The following GABRG2 variants were observed in gnomAD, a reference collection of about 807,000 sequenced individuals.
GABRG2 encodes gamma-aminobutyric acid receptor subunit gamma-2.
In GABRG2, 16 loss-of-function variants were observed where a neutral mutation model predicts 56.4. That is an observed-to-expected ratio of 0.28 (90% CI 0.19 to 0.43). The LOEUF (loss-of-function observed/expected upper bound fraction) is 0.43, where lower values mean the gene tolerates loss of function less well. Among genes scored for constraint, GABRG2 ranks in the 20% least tolerant of loss-of-function variants. The pLI, the probability that GABRG2 is intolerant of heterozygous loss-of-function variation, is 1.00. For synonymous variants in GABRG2, 208 were observed against 205.5 expected, an observed-to-expected ratio of 1.01 and a Z score of -0.10; for missense variants, 327 against 582.7, an observed-to-expected ratio of 0.56 and a Z score of 4.52.
chr5:162,093,041 A>G (rs191171908), intron 1 of GABRG2, among the ~76,000 whole-genome samples: 63 of 152,254 alleles, frequency 4.1e-4, no homozygotes, highest in Admixed American at 3.5e-3. Context: ...TTCCAGCCCA[A>G]TTGCTGAAAG....
intron 6 of GABRG2, among the ~76,000 whole-genome samples, chr5:162,117,880 GATA>G (rs1374414302): frequency 1.3e-5 from 2 of 152,232 alleles, no homozygotes; most frequent in South Asian, 2.1e-4. Flanking sequence ...ATATGGTGAT[GATA>G]ATGATGATGA....
chr5:162,124,238 A>G (rs545365518), intron 6 of GABRG2, among the ~76,000 whole-genome samples: 15 of 152,062 alleles, frequency 9.9e-5, no homozygotes, highest in East Asian at 9.7e-4. Flanking sequence ...TAAGAGTCCA[A>G]TTGGCAACAC....
At chr5:162,080,793 C>T (rs956588668) in intron 1 of GABRG2, among the ~76,000 whole-genome samples, 1 of 152,000 alleles carries the variant, frequency 6.6e-6, no homozygotes, top group South Asian at 2.1e-4. Flanking sequence ...TGTTCTACAT[C>T]CTACTGCAAA....
chr5:162,086,586 C>A (rs574737413), intron 1 of GABRG2, among the ~76,000 whole-genome samples: 2 of 152,058 alleles, frequency 1.3e-5, no homozygotes, highest in South Asian at 4.2e-4. Context: ...CGTCTTCTTT[C>A]TTTCCTAGTT....
chr5:162,120,084 A>G (rs1762883393), intron 6 of GABRG2, among the ~76,000 whole-genome samples: 1 of 152,062 alleles, frequency 6.6e-6, no homozygotes, highest in African/African-American at 2.4e-5. Flanking sequence ...ACTGGGGTTT[A>G]CTTGAGCAGC....
At chr5:162,089,980 G>C (rs960238549) in intron 1 of GABRG2, among the ~76,000 whole-genome samples, 4 of 152,084 alleles carry the variant, frequency 2.6e-5, no homozygotes, top group African/African-American at 9.7e-5. Context: ...CTACAATCTT[G>C]TTAAAATTGT....
At chr5:162,072,109 C>A (rs940810138) in intron 1 of GABRG2, among the ~76,000 whole-genome samples, 1 of 151,896 alleles carries the variant, frequency 6.6e-6, no homozygotes, top group African/African-American at 2.4e-5. Flanking sequence ...GTAATTTCCT[C>A]AAAATAATTG....
At chr5:162,079,825 C>T (rs1759503942) in intron 1 of GABRG2, among the ~76,000 whole-genome samples, 2 of 151,914 alleles carry the variant, frequency 1.3e-5, no homozygotes, top group African/African-American at 4.8e-5. Context: ...CTCTGTCGCC[C>T]AGGCTGGAGT....
At chr5:162,101,182 CA>C in intron 4 of GABRG2, 52 bp from the exon 5 acceptor site, 1 of 1,224,794 alleles carries the variant, frequency 8.2e-7, no homozygotes. Context: ...TGCAAATTTA[CA>C]ATTTAAAATT....
At chr5:162,109,420 A>ATATATATATT (rs1424412323) in intron 6 of GABRG2, among the ~76,000 whole-genome samples, 220 of 116,052 alleles carry the variant, frequency 1.9e-3, no homozygotes, top group African/African-American at 5.3e-3. Context: ...ATATATATAT[A>ATATATATATT]TATTTATTTA....
At chr5:162,074,119 TA>T (rs1221854303) in intron 1 of GABRG2, among the ~76,000 whole-genome samples, 1 of 151,898 alleles carries the variant, frequency 6.6e-6, no homozygotes, top group Non-Finnish European at 1.5e-5. Flanking sequence ...AAATTTCCTT[TA>T]AAAAAGGAAA....
chr5:162,069,024 G>T (rs1276806344), intron 1 of GABRG2, among the ~76,000 whole-genome samples: 2 of 152,070 alleles, frequency 1.3e-5, no homozygotes, highest in Non-Finnish European at 2.9e-5. Flanking sequence ...AAACCTTGCT[G>T]CACTGAATAG....
intron 6 of GABRG2, among the ~76,000 whole-genome samples, chr5:162,120,659 A>G (rs1762922349): frequency 6.6e-6 from 1 of 152,126 alleles, no homozygotes; most frequent in South Asian, 2.1e-4. Flanking sequence ...AATCTACCTT[A>G]GCCACAGTTT....
At chr5:162,080,008 T>C (rs1002417476) in intron 1 of GABRG2, among the ~76,000 whole-genome samples, 3 of 152,160 alleles carry the variant, frequency 2.0e-5, no homozygotes, top group African/African-American at 7.2e-5. Context: ...TGAAATAAGC[T>C]AACATAAGAT....
rs182274192 is a variant in GABRG2 at position 162,115,733 on chromosome 5, T to A, written c.769+11707T>A. Among the ~76,000 whole-genome samples the A allele has an allele frequency of 3.3e-5, 5 of 152,208 alleles. No individual in the cohort carries two copies. In the East Asian group the frequency reaches 9.7e-4, roughly 29 times the overall value. On this transcript the variant is annotated intron_variant, in intron 6 of 9. Transcript: ENST00000639213. ...CAAGAGTGCATAAAAGGACCTTAATTTATTAGCCTATTATTTTGTTTTTAA... is the reference window on the plus strand; with the variant it reads ...CAAGAGTGCATAAAAGGACCTTAATATATTAGCCTATTATTTTGTTTTTAA...
chr5:162,071,863 A>G (rs1758700199), intron 1 of GABRG2, among the ~76,000 whole-genome samples: 1 of 151,878 alleles, frequency 6.6e-6, no homozygotes, highest in Admixed American at 6.6e-5. Flanking sequence ...GACTATTTGA[A>G]TGGTAGGGAC....
At chr5:162,067,476 G>A (rs369703101), upstream of GABRG2, 202 of 418,080 alleles carry the variant, frequency 4.8e-4, no homozygotes, top group African/African-American at 3.5e-3. Flanking sequence ...CTTCCACTTT[G>A]ACCTCATAGT....
At chr5:162,149,913 C>T (rs1420750493) in intron 8 of GABRG2, 1 of 235,878 alleles carries the variant, frequency 4.2e-6, no homozygotes, top group Admixed American at 5.1e-5. Context: ...TGCGCCTGGC[C>T]ATGATAATAT....
intron 6 of GABRG2, among the ~76,000 whole-genome samples, chr5:162,121,044 T>C (rs1762947643): frequency 6.6e-6 from 1 of 152,164 alleles, no homozygotes; most frequent in Non-Finnish European, 1.5e-5. Flanking sequence ...TCTTACTTAT[T>C]CATGCGAATC....
Sources: allele counts gnomAD v4.1 joint callset (sites outside exome capture counted in the v4.1 genomes callset), GRCh38; gene constraint gnomAD v4.1.1; transcripts MANE v1.5; gene names NCBI Gene and HGNC (gene_info 2026-07-23, HGNC 2026-07-21).